Variants in IQCH observed in about 807,000 individuals in gnomAD.
The protein encoded by IQCH is IQ domain-containing protein H.
IQCH carries 98 observed loss-of-function variants against 117.0 expected under a neutral mutation model. The observed-to-expected ratio is 0.84, with a 90% CI of 0.71 to 0.99. IQCH has a LOEUF of 0.99. Ranked by LOEUF, IQCH falls within the 50% of genes least tolerant of loss-of-function variation. IQCH has a pLI of 0.00. For missense variants in IQCH, 1,102 were observed against 1,243.8 expected (o/e 0.89, Z 1.72); for synonymous variants, 412 against 448.2 (o/e 0.92, Z 1.02).
chr15:67,489,394 C>G (rs535503078), intron 18 of IQCH, among the ~76,000 whole-genome samples: 1 of 151,992 alleles, frequency 6.6e-6, no homozygotes, highest in Non-Finnish European at 1.5e-5. Flanking sequence ...GGCGTGACCT[C>G]GGCTCACTGA....
rs1971267899 is a variant in IQCH at position 67,390,980 on chromosome 15, T to C, written c.1632+1974T>C. Among the ~76,000 whole-genome samples, 1 of 152,240 alleles carries C rather than the reference T, an allele frequency of 6.6e-6. No homozygotes were observed. The highest frequency in any genetic ancestry group is 2.4e-5 in the African/African-American group (1 of 41,460). On this transcript the variant is annotated intron_variant, in intron 12 of 20. Coordinates refer to ENST00000335894, the MANE Select transcript of IQCH (RefSeq NM_001031715.3). This position sits in a 1 kb window ranked among gnomAD's most constrained non-coding sequence, Gnocchi z 5.0. ...TTGGAATGACTGCCTTGCTCCTGGA[T>C]GACCTGTGGCCTTGGGCAAGCCCCC...
At chr15:67,257,603 G>A (rs1250471147) in intron 1 of IQCH, among the ~76,000 whole-genome samples, 1 of 152,188 alleles carries the variant, frequency 6.6e-6, no homozygotes, top group Non-Finnish European at 1.5e-5. Context: ...AAGTAATCTT[G>A]AAGAAGTGTG....
intron 13 of IQCH, among the ~76,000 whole-genome samples, chr15:67,397,804 T>C (rs2140860918): frequency 6.6e-6 from 1 of 152,228 alleles, no homozygotes; most frequent in East Asian, 1.9e-4. Context: ...CATTTGGAAA[T>C]AGCATAAAGT....
intron 4 of IQCH, among the ~76,000 whole-genome samples, chr15:67,312,115 A>G (rs1200000612): frequency 6.6e-6 from 1 of 152,156 alleles, no homozygotes; most frequent in Non-Finnish European, 1.5e-5. Flanking sequence ...TTCTAACCTC[A>G]AAATTAATTC....
rs1228091606 is a variant in IQCH at position 67,279,484 on chromosome 15, C to T, written c.359C>T (p.Ser120Leu). 6.2e-7 allele frequency: 1 copy of T among 1,601,756 alleles called. No homozygotes were observed. Among genetic ancestry groups the T allele is most frequent in the Admixed American group, 1.7e-5 (1 of 58,744 alleles). Residue 120 changes from serine (S) to leucine (L), a missense_variant, in exon 4 of 21, where the codon TCA (serine) becomes TTA (leucine). Around this residue, in one of 2 missense-constraint regions of IQCH, gnomAD observed 452 missense variants for 449.6 expected, o/e 1.01. Coordinates refer to ENST00000335894, the MANE Select transcript of IQCH (RefSeq NM_001031715.3). ...TGGCAACCCCAAAGACAGCACAGTT[C>T]ATCTCTGCCTGTCTTTCCAAGAGCA... ...TFWQPQRQHS[S>L]SLPVFPRAKI...
intron 4 of IQCH, among the ~76,000 whole-genome samples, chr15:67,322,629 G>A (rs35008245): frequency 0.21 from 31,852 of 152,032 alleles, 4,063 homozygotes; most frequent in East Asian, 0.47. Context: ...CACTCAGCCC[G>A]CCTAGGTTAC....
At chr15:67,396,388 A>G (rs1043557963) in intron 13 of IQCH, among the ~76,000 whole-genome samples, 1 of 152,134 alleles carries the variant, frequency 6.6e-6, no homozygotes, top group African/African-American at 2.4e-5. Context: ...GAAGTAAGAC[A>G]GCTCCAGGAA....
rs2081597128 is a variant in IQCH at position 67,417,129 on chromosome 15, A to G, written c.2218+78A>G. The G allele has an allele frequency of 7.2e-6, 9 of 1,254,332 alleles. No individual in the cohort carries two copies. The highest frequency in any genetic ancestry group is 1.8e-5 in the South Asian group (1 of 55,110). 77.7% of individuals were successfully genotyped at this position (1,254,332 alleles called of 1,614,324 possible). The stretch of plus-strand genomic sequence containing the variant: ...TCTAGTTTTGGGTCAACTGGGGCCA[A>G]TTTAAATACTTTGCATCTCCTGTGT... On this transcript the variant is annotated intron_variant, in intron 15 of 20. Coordinates refer to ENST00000335894, the MANE Select transcript of IQCH (RefSeq NM_001031715.3). This position sits in a 1 kb window ranked among gnomAD's most constrained non-coding sequence, Gnocchi z 4.3.
rs1296816484 is a variant in IQCH, at chr15:67,500,947, T to C, written c.*201T>C. 3 of 363,502 alleles carry C rather than the reference T, an allele frequency of 8.3e-6. No homozygotes were observed. In the East Asian group the frequency reaches 1.3e-4, roughly 16 times the overall value. 22.5% of individuals were successfully genotyped at this position (363,502 alleles called of 1,614,324 possible). Reference sequence around the variant, plus strand: ...TTTTATTTATTAAACCAAAACTTATTTGTGTTTTCATTTGAGAGTGTTGAA... The same window carrying C: ...TTTTATTTATTAAACCAAAACTTATCTGTGTTTTCATTTGAGAGTGTTGAA... On this transcript the variant is annotated 3_prime_UTR_variant, in exon 21 of 21. Coordinates refer to ENST00000335894, the MANE Select transcript of IQCH (RefSeq NM_001031715.3). This position sits in a 1 kb window ranked among gnomAD's most constrained non-coding sequence, Gnocchi z 4.4.
rs565647120 is a variant in IQCH, at chr15:67,493,295, A to G, written c.2862-963A>G. ...GGGCAATGATTTGCCTGGGTCACACAGTAGGTGGTCTGTCTCCTGATCCTG... is the reference window on the plus strand; with the variant it reads ...GGGCAATGATTTGCCTGGGTCACACGGTAGGTGGTCTGTCTCCTGATCCTG... On this transcript the variant is annotated intron_variant, in intron 19 of 20. Coordinates refer to ENST00000335894, the MANE Select transcript of IQCH (RefSeq NM_001031715.3). This position sits in a 1 kb window ranked among gnomAD's most constrained non-coding sequence, Gnocchi z 5.1. Among the ~76,000 whole-genome samples the G allele has an allele frequency of 6.6e-6, 1 of 152,328 alleles. No individual in the cohort carries two copies. Among genetic ancestry groups the G allele is most frequent in the East Asian group, 1.9e-4 (1 of 5,162 alleles).
In IQCH at chr15:67,385,066, G is replaced by A; in HGVS notation, c.1456+47G>A. On this transcript the variant is annotated intron_variant, in intron 11 of 20. Coordinates refer to ENST00000335894, the MANE Select transcript of IQCH (RefSeq NM_001031715.3). The surrounding 1 kb of genome is among the most constrained non-coding windows in gnomAD (Gnocchi z 4.6). ...AAATGACTCTTTGGAATGTTTATCA[G>A]TGGATGTTGATAGAATGTGTTGTTT... 1 of 1,160,110 alleles carries A rather than the reference G, an allele frequency of 8.6e-7. No individual in the cohort carries two copies. Among genetic ancestry groups the A allele is most frequent in the Non-Finnish European group, 1.3e-6 (1 of 773,080 alleles). 71.9% of individuals were successfully genotyped at this position (1,160,110 alleles called of 1,614,324 possible).
rs930010176 is a variant in IQCH at position 67,370,761 on chromosome 15, C to T, written c.754-1350C>T. Among the ~76,000 whole-genome samples the T allele has an allele frequency of 2.8e-4, 42 of 152,262 alleles. No individual in the cohort carries two copies. Among genetic ancestry groups the T allele is most frequent in the African/African-American group, 9.1e-4 (38 of 41,538 alleles). On this transcript the variant is annotated intron_variant, in intron 8 of 20. Transcript: ENST00000335894. The surrounding 1 kb of genome is among the most constrained non-coding windows in gnomAD (Gnocchi z 5.6). ...TCAAGTTAAAAGTACACAAAAAGCT[C>T]ACTGCTGTTTAAAGTCTGCTTCTAA... is the stretch of plus-strand genomic sequence containing the variant.
intron 6 of IQCH, among the ~76,000 whole-genome samples, chr15:67,350,519 C>G (rs529136004): frequency 4.6e-5 from 7 of 152,064 alleles, no homozygotes; most frequent in African/African-American, 1.7e-4. Context: ...CTCCGCCTCC[C>G]AGGTTCAAGC....
Position 67,495,312 on chromosome 15 carries a change from T to C in IQCH, c.2970+946T>C, listed in dbSNP as rs1304032361. 3.9e-5 allele frequency among the ~76,000 whole-genome samples: 6 copies of C among 152,246 alleles called. No homozygotes were observed. In the East Asian group the frequency reaches 1.2e-3, roughly 29 times the overall value. On this transcript the variant is annotated intron_variant, in intron 20 of 20. Transcript: ENST00000335894. ...GATTCAAGAAAAGACAGACCAAATG[T>C]TACATCAGTGTTCACTGGTCCTAAA...
In IQCH at chr15:67,286,608, T is replaced by G. The variant is rs112243353; in HGVS notation, c.387+7096T>G. ...TTTATTTATTTATTTATTTATTTAT[T>G]TATTTATGTATTTATTTATTGAGTA... On this transcript the variant is annotated intron_variant, in intron 4 of 20. Transcript: ENST00000335894. 8.9e-3 allele frequency among the ~76,000 whole-genome samples: 884 copies of G among 99,572 alleles called. 7 individuals carry two copies. Among genetic ancestry groups the G allele is most frequent in the African/African-American group, 0.027 (770 of 28,202 alleles). 65.3% of individuals were successfully genotyped at this position (99,572 alleles called of 152,430 possible).
intron 8 of IQCH, among the ~76,000 whole-genome samples, chr15:67,361,396 GTCA>G (rs1388575931): frequency 3.9e-5 from 6 of 152,166 alleles, no homozygotes; most frequent in Non-Finnish European, 5.9e-5. Context: ...CATTCAGTTA[GTCA>G]TCCAATTAGT....
chr15:67,368,970 C>T (rs1439106203), intron 8 of IQCH, among the ~76,000 whole-genome samples: 7 of 152,260 alleles, frequency 4.6e-5, no homozygotes, highest in South Asian at 2.1e-4. Context: ...ACTGCAGCCT[C>T]GAACTCCTGG....
Position 67,384,766 on chromosome 15 carries a change from T to C in IQCH, c.1373-170T>C, listed in dbSNP as rs1299035613. Among the ~76,000 whole-genome samples, 1 of 152,084 alleles carries C rather than the reference T, an allele frequency of 6.6e-6. No homozygotes were observed. The highest frequency in any genetic ancestry group is 2.4e-5 in the African/African-American group (1 of 41,426). ...GCACATCTTCCAGAATAATGTTTAATTCCCCCGAGAAACAAGCACCTCATT... is the reference window on the plus strand; with the variant it reads ...GCACATCTTCCAGAATAATGTTTAACTCCCCCGAGAAACAAGCACCTCATT... On this transcript the variant is annotated intron_variant, in intron 10 of 20. Transcript: ENST00000335894. The surrounding 1 kb of genome is among the most constrained non-coding windows in gnomAD (Gnocchi z 4.3).
chr15:67,497,351 T>C (rs1416837670), intron 20 of IQCH, among the ~76,000 whole-genome samples: 1 of 150,818 alleles, frequency 6.6e-6, no homozygotes, highest in African/African-American at 2.4e-5. Context: ...GAAAAGAAAA[T>C]CCTAAAGAAC....
Sources: allele counts gnomAD v4.1 joint callset (sites outside exome capture counted in the v4.1 genomes callset), GRCh38; gene constraint gnomAD v4.1.1; regional missense constraint gnomAD v4.1.1; non-coding constraint Gnocchi (gnomAD v3.1); transcripts MANE v1.5; gene names NCBI Gene and HGNC (gene_info 2026-07-23, HGNC 2026-07-21).